The following CHRNE variants were observed in gnomAD, a reference collection of about 807,000 sequenced individuals.
The protein encoded by CHRNE is acetylcholine receptor subunit epsilon.
A neutral mutation model predicts 56.5 loss-of-function variants in CHRNE; 58 were observed. The ratio of observed to expected loss-of-function variants is 1.03; its 90% CI spans 0.83 to 1.28. The LOEUF is 1.28. Ranked by LOEUF, CHRNE falls within the 50% of genes most tolerant of loss-of-function variation. CHRNE has a pLI of 0.00. For synonymous variants in CHRNE, 385 were observed against 297.9 expected (o/e 1.29, Z -3.01); for missense variants, 793 against 688.9 (o/e 1.15, Z -1.69).
Position 4,902,098 on chromosome 17 carries a change from G to C in CHRNE, c.345-11C>G. On this transcript the variant is annotated splice_polypyrimidine_tract_variant and intron_variant, in intron 4 of 11. Coordinates refer to ENST00000649488, the MANE Select transcript of CHRNE (RefSeq NM_000080.4). The surrounding 1 kb of genome is among the most constrained non-coding windows in gnomAD (Gnocchi z 4.0). ...AACTGGCCATCAATACTGTGGGCTC[G>C]GGGAAACCGAGCTTTTTGCACAGGT... 2 of 1,613,916 alleles carry C rather than the reference G, an allele frequency of 1.2e-6. No homozygotes were observed. The highest frequency in any genetic ancestry group is 1.7e-6 in the Non-Finnish European group (2 of 1,179,980).
chr17:4,903,402 T>C (rs902156138), upstream of CHRNE, among the ~76,000 whole-genome samples: 5 of 152,138 alleles, frequency 3.3e-5, no homozygotes, highest in African/African-American at 1.2e-4. Context: ...CAGGCACTGT[T>C]GTCCTTTGAG....
upstream of CHRNE, among the ~76,000 whole-genome samples, chr17:4,903,452 T>C (rs923844062): frequency 1.3e-5 from 2 of 152,110 alleles, no homozygotes; most frequent in African/African-American, 2.4e-5. Context: ...GATGAACACA[T>C]CTGGGGATGT....
Position 4,901,003 on chromosome 17 carries a change from G to C in CHRNE, c.789C>G (p.Phe263Leu), listed in dbSNP as rs761487611. 3 of 1,613,990 alleles carry C rather than the reference G, an allele frequency of 1.9e-6. No individual in the cohort carries two copies. Among genetic ancestry groups the C allele is most frequent in the Non-Finnish European group, 2.5e-6 (3 of 1,179,904 alleles). ...GCCACTGCTTACCCTGCGCCGGCAG[G>C]AAGTAGGCGAGCAGCACCAGGCCCG... is the stretch of plus-strand genomic sequence containing the variant. ...LISGLVLLAY[F>L]LPAQAGGQKC... Residue 263 changes from phenylalanine (F) to leucine (L), a missense_variant, in exon 7 of 12, where the codon TTC becomes TTG. Physicochemically the swap from Phe to Leu is conservative, Grantham distance 22. Coordinates refer to ENST00000649488, the MANE Select transcript of CHRNE (RefSeq NM_000080.4).
In CHRNE at chr17:4,899,390, G is replaced by A. The variant is rs2075763; in HGVS notation, c.1033-6C>T. 105,325 of 1,533,868 alleles carry A rather than the reference G, an allele frequency of 0.069. 4,444 individuals are homozygous for A. The highest frequency in any genetic ancestry group is 0.21 in the East Asian group (8,762 of 41,036). On this transcript the variant is annotated splice_region_variant and splice_polypyrimidine_tract_variant and intron_variant, in intron 9 of 11. Transcript: ENST00000649488. ...GGCAGCAGCTCCAGGAGAACCTGGG[G>A]CAGGGGCGGGGCTTAGGGGACGAGG...
intron 1 of CHRNE, among the ~76,000 whole-genome samples, chr17:4,908,575 G>A (rs886222061): frequency 6.6e-6 from 1 of 152,196 alleles, no homozygotes; most frequent in Non-Finnish European, 1.5e-5. Context: ...ACTTCCTGCC[G>A]AGTTAGTGGA....
rs12942540 is a variant in CHRNE at position 4,900,778 on chromosome 17, G to C, written c.917+15C>G. ...CTTCACACTGGCCACACCCCCGCGG[G>C]GGCTCCGGCTTCACCTGCCCAGGAG... On this transcript the variant is annotated intron_variant, in intron 8 of 11. Coordinates refer to ENST00000649488, the MANE Select transcript of CHRNE (RefSeq NM_000080.4). 229,101 of 1,608,764 alleles carry C rather than the reference G, an allele frequency of 0.14. 16,889 individuals are homozygous for C. The highest frequency in any genetic ancestry group is 0.22 in the African/African-American group (16,157 of 74,856).
chr17:4,898,286 T>G lies in CHRNE; in HGVS notation c.*450A>C. The G allele has an allele frequency of 1.2e-5, 3 of 258,312 alleles. No homozygotes were observed. Among genetic ancestry groups the G allele is most frequent in the Middle Eastern group, 1.5e-3 (1 of 658 alleles). The allele number at this position is 258,312 out of a possible 1,614,324, so 16.0% of individuals were successfully genotyped here. A position where few individuals can be genotyped will look rare whatever the true frequency, so the allele number is the denominator to read the frequency against. Reference sequence around the variant, plus strand: ...GCCTGAGGGCCACCAGCACTGAAGGTGTTTGGTTCCCACCCGCTCCAGCAG... The same window carrying G: ...GCCTGAGGGCCACCAGCACTGAAGGGGTTTGGTTCCCACCCGCTCCAGCAG... On this transcript the variant is annotated 3_prime_UTR_variant, in exon 12 of 12. Coordinates refer to ENST00000649488, the MANE Select transcript of CHRNE (RefSeq NM_000080.4).
intron 8 of CHRNE, chr17:4,900,037 A>C (rs893815087): frequency 7.7e-6 from 12 of 1,551,198 alleles, no homozygotes; most frequent in Non-Finnish European, 9.6e-6. Context: ...CCCTGGAGCC[A>C]CCCGAACCGA....
chr17:4,900,298 C>T (rs1969937032), intron 8 of CHRNE: 2 of 1,545,366 alleles, frequency 1.3e-6, no homozygotes, highest in South Asian at 1.2e-5. Context: ...GGCCCAGCCC[C>T]AGACGGCAGG....
chr17:4,899,310 T>G lies in CHRNE; in HGVS notation c.1107A>C (p.Pro369=), dbSNP rs1969856719. The G allele has an allele frequency of 6.3e-7, 1 of 1,580,024 alleles. No homozygotes were observed. The highest frequency in any genetic ancestry group is 2.3e-5 in the East Asian group (1 of 43,182). ...ATAAGCCCACCGACGACGCCCGCCT[T>G]GGGGGCGAGGCGGCCCGGGGGGCCT... The part of the protein sequence containing the change: ...PPEAPRAASP[P]RRASSVGLLL... Residue 369 remains proline, a synonymous_variant, in exon 10 of 12, where the codon CCA becomes CCC. Transcript: ENST00000649488.
Position 4,901,194 on chromosome 17 carries a change from C to T in CHRNE, c.602-4G>A, listed in dbSNP as rs761086547. ...TCGATGGCCCACTCGCCGTTCTCTG[C>T]GGGACGGGGGCACGGTCAGCTGGCT... is the stretch of plus-strand genomic sequence containing the variant. On this transcript the variant is annotated splice_region_variant and splice_polypyrimidine_tract_variant and intron_variant, in intron 6 of 11. Transcript: ENST00000649488. The T allele has an allele frequency of 6.2e-7, 1 of 1,601,428 alleles. No homozygotes were observed. Among genetic ancestry groups the T allele is most frequent in the Non-Finnish European group, 8.5e-7 (1 of 1,178,074 alleles).
At chr17:4,900,249 T>G in intron 8 of CHRNE, 1 of 1,547,254 alleles carries the variant, frequency 6.5e-7, no homozygotes, top group Non-Finnish European at 8.7e-7. Flanking sequence ...CTCAGCCCTG[T>G]GGCTGCAGCA....
At chr17:4,901,885 C>CCT in intron 5 of CHRNE, 47 bp downstream of exon 5, 2 of 980,006 alleles carry the variant, frequency 2.0e-6, no homozygotes, top group Non-Finnish European at 3.0e-6. Flanking sequence ...CCCCATAAGG[C>CCT]CCCCCCCCAA....
At chr17:4,899,903 C>T (rs1490518938) in intron 8 of CHRNE, 2 of 1,548,596 alleles carry the variant, frequency 1.3e-6, no homozygotes, top group Non-Finnish European at 1.7e-6. Context: ...GTGACCCCTG[C>T]CCTGCTACTC....
At position 4,898,523 on chromosome 17, in the gene CHRNE, T is replaced by A. The variant is rs567298349; in HGVS notation, c.*213A>T. 1.1e-5 allele frequency: 7 copies of A among 627,970 alleles called. No individual in the cohort carries two copies. Among genetic ancestry groups the A allele is most frequent in the Non-Finnish European group, 1.7e-5 (6 of 359,190 alleles). 38.9% of individuals were successfully genotyped at this position (627,970 alleles called of 1,614,324 possible). ...CCTTGCTTTCTGGAAGACTGGCACC[T>A]GAGAGCCTATGTGAACCCTTTCCTC... On this transcript the variant is annotated 3_prime_UTR_variant, in exon 12 of 12. Transcript: ENST00000649488.
At chr17:4,899,149 C>T (rs201428928) in intron 10 of CHRNE, 42 bp from the exon 11 acceptor site, 53 of 1,597,042 alleles carry the variant, frequency 3.3e-5, no homozygotes, top group African/African-American at 6.7e-5. Flanking sequence ...GAGCCTCCCC[C>T]CTGGCAGGCA....
rs148340961 is a variant in CHRNE, at chr17:4,899,175, CGGGCCA to C, written c.1219+17_1219+22del. Reference sequence around the variant, plus strand: ...CTGGCAGGCACCCCGCGCGGCCCCCCGGGCCAGGGCCACTGTGCTCACCCGTCCAGG... The same window carrying C: ...CTGGCAGGCACCCCGCGCGGCCCCCCGGGCCACTGTGCTCACCCGTCCAGG... On this transcript the variant is annotated intron_variant, in intron 10 of 11. Coordinates refer to ENST00000649488, the MANE Select transcript of CHRNE (RefSeq NM_000080.4). 130,277 of 1,594,800 alleles carry C rather than the reference CGGGCCA, an allele frequency of 0.082. 5,697 individuals carry two copies. The highest frequency in any genetic ancestry group is 0.089 in the Non-Finnish European group (105,002 of 1,173,372).
In CHRNE at chr17:4,901,914, C is replaced by T. The variant is rs1198808902; in HGVS notation, c.500+18G>A. On this transcript the variant is annotated intron_variant, in intron 5 of 11. Coordinates refer to ENST00000649488, the MANE Select transcript of CHRNE (RefSeq NM_000080.4). ...CCCCCAACAATAATCGTCCGGGCCTCGGAGTAGCTCTTCCCACCGGAAAAT... is the reference window on the plus strand; with the variant it reads ...CCCCCAACAATAATCGTCCGGGCCTTGGAGTAGCTCTTCCCACCGGAAAAT... The T allele has an allele frequency of 3.2e-6, 5 of 1,578,764 alleles. No homozygotes were observed. The highest frequency in any genetic ancestry group is 1.4e-5 in the African/African-American group (1 of 72,324).
At chr17:4,904,022 T>C (rs1291149126), upstream of CHRNE, among the ~76,000 whole-genome samples, 1 of 150,238 alleles carries the variant, frequency 6.7e-6, no homozygotes, top group Non-Finnish European at 1.5e-5. Flanking sequence ...CATGCCCGGC[T>C]AATTTTTGTA....
Sources: allele counts gnomAD v4.1 joint callset (sites outside exome capture counted in the v4.1 genomes callset), GRCh38; gene constraint gnomAD v4.1.1; non-coding constraint Gnocchi (gnomAD v3.1); transcripts MANE v1.5; gene names NCBI Gene and HGNC (gene_info 2026-07-23, HGNC 2026-07-21).